Variants in CRADD observed in about 807,000 individuals in gnomAD.
CRADD encodes death domain-containing protein CRADD.
A neutral mutation model predicts 15.5 loss-of-function variants in CRADD; 9 were observed. The ratio of observed to expected loss-of-function variants is 0.58; its 90% CI spans 0.35 to 1.01. The LOEUF is 1.01. Ranked by LOEUF, CRADD falls within the 50% of genes least tolerant of loss-of-function variation. CRADD has a pLI of 0.02. For missense variants in CRADD, 227 were observed against 250.3 expected (o/e 0.91, Z 0.63); for synonymous variants, 118 against 107.6 (o/e 1.10, Z -0.60).
intron 2 of CRADD, among the ~76,000 whole-genome samples, chr12:93,778,272 T>C (rs1957161659): frequency 6.6e-6 from 1 of 152,178 alleles, no homozygotes; most frequent in South Asian, 2.1e-4. Context: ...AAGAAATAAC[T>C]TTTCCACTGA....
chr12:93,819,824 G>C (rs2137017393), intron 2 of CRADD, among the ~76,000 whole-genome samples: 1 of 152,314 alleles, frequency 6.6e-6, no homozygotes, highest in South Asian at 2.1e-4. Flanking sequence ...TCATATTAGA[G>C]TTAGCCAACA....
At chr12:93,702,417 C>T (rs972154547) in intron 2 of CRADD, among the ~76,000 whole-genome samples, 2 of 151,894 alleles carry the variant, frequency 1.3e-5, no homozygotes, top group African/African-American at 4.8e-5. Context: ...GCCCCACATC[C>T]ACCAGATTTC....
intron 2 of CRADD, among the ~76,000 whole-genome samples, chr12:93,732,927 T>C (rs948288947): frequency 1.3e-5 from 2 of 152,236 alleles, no homozygotes; most frequent in African/African-American, 2.4e-5. Context: ...GAATGCACAC[T>C]GTCTTGTCTA....
intron 2 of CRADD, among the ~76,000 whole-genome samples, chr12:93,693,524 G>T (rs1254991157): frequency 6.6e-6 from 1 of 152,058 alleles, no homozygotes; most frequent in African/African-American, 2.4e-5. Context: ...TAATAAGGGG[G>T]TCAATTCATT....
intron 2 of CRADD, among the ~76,000 whole-genome samples, chr12:93,823,385 T>G (rs1957790143): frequency 6.6e-6 from 1 of 152,158 alleles, no homozygotes; most frequent in African/African-American, 2.4e-5. Context: ...CCTCTGACCC[T>G]CTTAATGAAT....
chr12:93,841,935 C>T (rs906554023), intron 2 of CRADD, among the ~76,000 whole-genome samples: 2 of 151,966 alleles, frequency 1.3e-5, no homozygotes, highest in African/African-American at 2.4e-5. Flanking sequence ...CCAGACCCTC[C>T]GGAGGAATGT....
intron 2 of CRADD, chr12:93,848,678 C>T (rs962576249): frequency 1.3e-5 from 2 of 152,390 alleles, no homozygotes; most frequent in Admixed American, 1.3e-4. Flanking sequence ...CGCCCTGTTC[C>T]TCCTTCATCA....
At chr12:93,839,381 A>C (rs1958021446) in intron 2 of CRADD, among the ~76,000 whole-genome samples, 1 of 152,248 alleles carries the variant, frequency 6.6e-6, no homozygotes, top group Admixed American at 6.5e-5. Context: ...ATTATAAGAT[A>C]TACGTGTATT....
At chr12:93,793,484 G>A (rs1957375455) in intron 2 of CRADD, among the ~76,000 whole-genome samples, 1 of 152,132 alleles carries the variant, frequency 6.6e-6, no homozygotes, top group African/African-American at 2.4e-5. Context: ...TGAGAATCCT[G>A]CTTTAAAGGA....
downstream of CRADD, among the ~76,000 whole-genome samples, chr12:93,854,653 T>C (rs1593047041): frequency 1.3e-5 from 2 of 152,142 alleles, no homozygotes; most frequent in African/African-American, 4.8e-5. Flanking sequence ...TGAATCACAG[T>C]AACAGGCAAG....
intron 2 of CRADD, among the ~76,000 whole-genome samples, chr12:93,865,831 T>C (rs1958362722): frequency 6.6e-6 from 1 of 152,048 alleles, no homozygotes. Context: ...GTTATTTTTT[T>C]CAGTATATTT....
intron 2 of CRADD, among the ~76,000 whole-genome samples, chr12:93,887,183 C>T (rs893859705): frequency 6.6e-6 from 1 of 152,128 alleles, no homozygotes; most frequent in African/African-American, 2.4e-5. Context: ...CAATAGCTTA[C>T]CCAATCGTCC....
chr12:93,843,508 T>C (rs1483656549), intron 2 of CRADD, among the ~76,000 whole-genome samples: 2 of 151,000 alleles, frequency 1.3e-5, no homozygotes, highest in African/African-American at 4.9e-5. Context: ...GCCTCCCAAG[T>C]AGCTGGGAAT....
At chr12:93,818,380 G>A (rs1957732776) in intron 2 of CRADD, among the ~76,000 whole-genome samples, 1 of 152,144 alleles carries the variant, frequency 6.6e-6, no homozygotes. Context: ...CCACTCCCTA[G>A]CCCCTTCCCA....
chr12:93,717,892 C>G (rs1370306975), intron 2 of CRADD, among the ~76,000 whole-genome samples: 1 of 152,022 alleles, frequency 6.6e-6, no homozygotes, highest in Non-Finnish European at 1.5e-5. Context: ...TTTTTTTGCA[C>G]GTGGATGTTC....
rs52807869 is a variant in CRADD, at chr12:93,678,877, A to C, written c.103A>C (p.Ile35Leu). Residue 35 changes from isoleucine (I) to leucine (L), a missense_variant, in exon 2 of 3, where the codon ATC becomes CTC. Ile to Leu is a conservative substitution (Grantham distance 5). Transcript: ENST00000332896. Reference sequence around the variant, plus strand: ...TCTTCAGTACCTCTACCAGGAAGGAATCTTGACGGAAAACCATATTCAAGA... The same window carrying C: ...TCTTCAGTACCTCTACCAGGAAGGACTCTTGACGGAAAACCATATTCAAGA... ...LVLQYLYQEGILTENHIQEIN... is the reference protein window; with the variant it reads ...LVLQYLYQEGLLTENHIQEIN... 6.2e-6 allele frequency: 10 copies of C among 1,614,196 alleles called. No individual in the cohort carries two copies. The highest frequency in any genetic ancestry group is 8.5e-6 in the Non-Finnish European group (10 of 1,180,034).
chr12:93,691,881 T>A (rs1347260910), intron 2 of CRADD, among the ~76,000 whole-genome samples: 5 of 152,020 alleles, frequency 3.3e-5, no homozygotes, highest in African/African-American at 9.7e-5. Context: ...TGAAATTATT[T>A]AAAAAAATCA....
At chr12:93,759,881 G>A (rs1333753438) in intron 2 of CRADD, among the ~76,000 whole-genome samples, 1 of 152,204 alleles carries the variant, frequency 6.6e-6, no homozygotes, top group Non-Finnish European at 1.5e-5. Flanking sequence ...AATAGAAATT[G>A]TTGGGAGTCT....
chr12:93,807,175 T>C lies in CRADD; in HGVS notation c.299-42795T>C, dbSNP rs920043916. On this transcript the variant is annotated intron_variant, in intron 2 of 2. Transcript: ENST00000332896. ...CAGGCAGTTTCAGAATTAGTACATATGGAAATTGAGGATGTAGAAACTCAT... is the reference window on the plus strand; with the variant it reads ...CAGGCAGTTTCAGAATTAGTACATACGGAAATTGAGGATGTAGAAACTCAT... Among the ~76,000 whole-genome samples, 7 of 152,318 alleles carry C rather than the reference T, an allele frequency of 4.6e-5. 1 individual carries two copies. In the East Asian group the frequency reaches 1.2e-3, roughly 25 times the overall value.
Sources: gnomAD v4.1 joint callset for allele counts (sites outside exome capture counted in the v4.1 genomes callset) on GRCh38, gnomAD v4.1.1 for gene constraint, MANE v1.5 for transcripts, NCBI Gene and HGNC (gene_info 2026-07-23, HGNC 2026-07-21) for gene names.